Variants in CCSER1 observed in about 807,000 individuals in gnomAD.
CCSER1 encodes serine-rich coiled-coil domain-containing protein 1.
CCSER1 carries 41 observed loss-of-function variants against 82.0 expected under a neutral mutation model. The observed-to-expected ratio is 0.50, with a 90% CI of 0.39 to 0.65. The LOEUF is 0.65. Among genes scored for constraint, CCSER1 ranks in the 30% least tolerant of loss-of-function variants. CCSER1 has a pLI of 0.00. For missense variants in CCSER1, 1,119 were observed against 1,064.2 expected, an observed-to-expected ratio of 1.05 and a Z score of -0.72; for synonymous variants, 414 against 383.9, an observed-to-expected ratio of 1.08 and a Z score of -0.92.
chr4:90,570,360 G>A (rs553421820), intron 5 of CCSER1, among the ~76,000 whole-genome samples: 20 of 152,190 alleles, frequency 1.3e-4, no homozygotes, highest in Admixed American at 7.2e-4. Context: ...AGTTGAACTG[G>A]CCTCACTGCA....
At chr4:90,919,089 T>TAAAAAAAAAAAAAAAAAAAAAAAA in intron 8 of CCSER1, among the ~76,000 whole-genome samples, 1 of 87,224 alleles carries the variant, frequency 1.1e-5, no homozygotes, top group Non-Finnish European at 2.4e-5. Context: ...GTTTCCACAG[T>TAAAAAAAAAAAAAAAAAAAAAAAA]AAAAAAAAAA....
chr4:90,556,979 A>G (rs1258884247), intron 5 of CCSER1, among the ~76,000 whole-genome samples: 1 of 151,928 alleles, frequency 6.6e-6, no homozygotes, highest in Non-Finnish European at 1.5e-5. Context: ...CCAACATTCA[A>G]TAACAACTTG....
intron 10 of CCSER1, among the ~76,000 whole-genome samples, chr4:91,120,583 T>C (rs2148890382): frequency 6.6e-6 from 1 of 152,100 alleles, no homozygotes; most frequent in African/African-American, 2.4e-5. Context: ...TTTGAAAGAT[T>C]ACAGGTTGAG....
intron 4 of CCSER1, among the ~76,000 whole-genome samples, chr4:90,417,439 G>A (rs549374388): frequency 6.6e-6 from 1 of 151,806 alleles, no homozygotes; most frequent in Non-Finnish European, 1.5e-5. Flanking sequence ...TATTAAGGTT[G>A]ATATTTACAA....
In CCSER1 at chr4:91,013,730, G is replaced by C. The variant is rs1258194941; in HGVS notation, c.2173-72220G>C. The stretch of plus-strand genomic sequence containing the variant: ...CCATTCTCCTGCCTCAGGCTCCCGA[G>C]CAGCTGGGACTCCAGGCACCTGTCA... On this transcript the variant is annotated intron_variant, in intron 9 of 10. Transcript: ENST00000509176. 2.6e-4 allele frequency among the ~76,000 whole-genome samples: 33 copies of C among 126,876 alleles called. 10 individuals carry two copies. Among genetic ancestry groups the C allele is most frequent in the Non-Finnish European group, 6.0e-4 (33 of 55,046 alleles). 83.2% of individuals were successfully genotyped at this position (126,876 alleles called of 152,430 possible).
At chr4:90,989,847 G>C (rs1367271137) in intron 9 of CCSER1, among the ~76,000 whole-genome samples, 1 of 151,790 alleles carries the variant, frequency 6.6e-6, no homozygotes, top group East Asian at 1.9e-4. Flanking sequence ...ATTAGAGAGA[G>C]AGAAAGAAAG....
At chr4:91,445,222 C>G (rs1922236) in intron 10 of CCSER1, among the ~76,000 whole-genome samples, 123,196 of 151,986 alleles carry the variant, frequency 0.81, 50,190 homozygotes, top group East Asian at 0.92. Context: ...GTGCAAAACC[C>G]TTTCAAGAAT....
intron 9 of CCSER1, among the ~76,000 whole-genome samples, chr4:90,936,957 G>GA (rs984031211): frequency 1.7e-4 from 26 of 149,988 alleles, no homozygotes; most frequent in Admixed American, 4.6e-4. Flanking sequence ...TTATGTAAAA[G>GA]AAAAAAAAAG....
intron 5 of CCSER1, among the ~76,000 whole-genome samples, chr4:90,551,706 C>CTCTCTCTCTA: frequency 0.017 from 1,784 of 104,100 alleles, 23 homozygotes; most frequent in South Asian, 0.027. Flanking sequence ...CTCTCTCTCT[C>CTCTCTCTCTA]TATATATATA....
intron 8 of CCSER1, among the ~76,000 whole-genome samples, chr4:90,878,590 T>C (rs1011477038): frequency 6.6e-6 from 1 of 152,146 alleles, no homozygotes; most frequent in African/African-American, 2.4e-5. Flanking sequence ...TCCATGTTGC[T>C]ATATGTTCTC....
chr4:91,009,280 G>A (rs1738801685), intron 9 of CCSER1, among the ~76,000 whole-genome samples: 1 of 152,198 alleles, frequency 6.6e-6, no homozygotes, highest in African/African-American at 2.4e-5. Context: ...AGCCGTTGCT[G>A]GCTCGAATGC....
intron 1 of CCSER1, among the ~76,000 whole-genome samples, chr4:90,287,351 T>A (rs1465808003): frequency 1.3e-5 from 2 of 152,038 alleles, no homozygotes; most frequent in East Asian, 1.9e-4. Context: ...ACTACCTACA[T>A]GTTTTATAAT....
intron 4 of CCSER1, among the ~76,000 whole-genome samples, chr4:90,448,653 T>C (rs1158256680): frequency 2.0e-5 from 3 of 151,684 alleles, no homozygotes; most frequent in Non-Finnish European, 4.4e-5. Context: ...TTCTGTATCA[T>C]TTAGGTACCA....
Position 90,691,664 on chromosome 4 carries a change from T to G in CCSER1, c.1933-32250T>G, listed in dbSNP as rs543272138. On this transcript the variant is annotated intron_variant, in intron 6 of 10. Coordinates refer to ENST00000509176, the MANE Select transcript of CCSER1 (RefSeq NM_001145065.2). The stretch of plus-strand genomic sequence containing the variant: ...ACATGTATATATACACACATGCATA[T>G]GTACGTGTGTATCTATGTGTATATA... Among the ~76,000 whole-genome samples, 6 of 150,136 alleles carry G rather than the reference T, an allele frequency of 4.0e-5. No homozygotes were observed. The South Asian group carries it at 8.5e-4, about 21-fold the overall frequency.
intron 10 of CCSER1, among the ~76,000 whole-genome samples, chr4:91,235,627 C>T (rs1181163747): frequency 5.3e-5 from 8 of 151,914 alleles, no homozygotes; most frequent in Non-Finnish European, 1.2e-4. Flanking sequence ...ATGTTCTGTA[C>T]TTATCCAAAA....
At chr4:91,546,397 G>A (rs574675253) in intron 10 of CCSER1, among the ~76,000 whole-genome samples, 4 of 151,616 alleles carry the variant, frequency 2.6e-5, no homozygotes, top group Admixed American at 6.6e-5. Context: ...GTCTTTTTTT[G>A]GAATTTTATT....
intron 5 of CCSER1, among the ~76,000 whole-genome samples, chr4:90,488,134 G>A (rs928882781): frequency 2.0e-5 from 3 of 152,076 alleles, no homozygotes; most frequent in Non-Finnish European, 4.4e-5. Context: ...TAAAATGAGT[G>A]TCTGGACTAC....
At chr4:90,742,616 A>C (rs1746727992) in intron 7 of CCSER1, among the ~76,000 whole-genome samples, 1 of 152,142 alleles carries the variant, frequency 6.6e-6, no homozygotes, top group Non-Finnish European at 1.5e-5. Context: ...CCCAGCCTCT[A>C]GAATTGAAAA....
chr4:91,437,279 T>C (rs911962841), intron 10 of CCSER1, among the ~76,000 whole-genome samples: 4 of 152,236 alleles, frequency 2.6e-5, no homozygotes, highest in Non-Finnish European at 5.9e-5. Flanking sequence ...GGAAGCATGT[T>C]TGTTCAGAAG....
Sources: allele counts gnomAD v4.1 joint callset (sites outside exome capture counted in the v4.1 genomes callset), GRCh38; gene constraint gnomAD v4.1.1; transcripts MANE v1.5; gene names NCBI Gene and HGNC (gene_info 2026-07-23, HGNC 2026-07-21).